The following CDK17 variants were observed in gnomAD, a reference collection of about 807,000 sequenced individuals.
CDK17 encodes cyclin dependent kinase 17, also known as cyclin-dependent kinase 17.
CDK17 carries 24 observed loss-of-function variants against 77.6 expected under a neutral mutation model. The observed-to-expected ratio is 0.31, with a 90% CI of 0.22 to 0.44. The LOEUF (loss-of-function observed/expected upper bound fraction) is 0.44. Among genes scored for constraint, CDK17 ranks in the 20% least tolerant of loss-of-function variants. The probability of loss-of-function intolerance (pLI) is 1.00; values close to 1 mark genes in which losing one functional copy is unlikely to be tolerated. For missense variants in CDK17, 429 were observed against 622.5 expected, an observed-to-expected ratio of 0.69 and a Z score of 3.31; for synonymous variants, 203 against 210.4, an observed-to-expected ratio of 0.96 and a Z score of 0.30.
intron 1 of CDK17, among the ~76,000 whole-genome samples, chr12:96,340,439 T>A (rs1422051583): frequency 6.6e-6 from 1 of 152,208 alleles, no homozygotes; most frequent in Non-Finnish European, 1.5e-5. Flanking sequence ...AAATTGTTCC[T>A]ATTTTTAATC....
intron 5 of CDK17, among the ~76,000 whole-genome samples, chr12:96,308,187 G>A (rs768889852): frequency 2.5e-4 from 37 of 145,400 alleles, no homozygotes; most frequent in Non-Finnish European, 4.9e-4. Flanking sequence ...TTGAGCCCAG[G>A]CATTTGAAAC....
chr12:96,298,070 C>T (rs1592711500), intron 7 of CDK17, among the ~76,000 whole-genome samples: 1 of 152,160 alleles, frequency 6.6e-6, no homozygotes, highest in South Asian at 2.1e-4. Flanking sequence ...GCGGGCGGAT[C>T]GTGAGGTCAG....
chr12:96,398,716 C>A (rs1157438488), intron 1 of CDK17, among the ~76,000 whole-genome samples: 2 of 152,184 alleles, frequency 1.3e-5, no homozygotes, highest in Non-Finnish European at 2.9e-5. Context: ...GACTGAAGGT[C>A]TGGCTGCCAG....
In CDK17 at chr12:96,334,754, T is replaced by C; in HGVS notation, c.83A>G (p.Gln28Arg). 5.6e-6 allele frequency: 9 copies of C among 1,610,160 alleles called. No homozygotes were observed. Among genetic ancestry groups the C allele is most frequent in the Non-Finnish European group, 7.6e-6 (9 of 1,176,578 alleles). The part of the protein sequence containing the change: ...IDESLSELAE[Q>R]MTIEENSSKD... ...GCTGCTGTTTTCTTCAATAGTCATT[T>C]GTTCAGCCAATTCAGACAATGATTC... Residue 28 changes from glutamine (Q) to arginine (R), a missense_variant, in exon 2 of 17, where the codon CAA (glutamine) becomes CGA (arginine). By Grantham distance (43) the Gln-to-Arg change is conservative. Transcript: ENST00000261211.
At chr12:96,385,012 G>GAAAAAAA (rs75720821) in intron 1 of CDK17, among the ~76,000 whole-genome samples, 1 of 75,504 alleles carries the variant, frequency 1.3e-5, no homozygotes. Context: ...TTTCTCAAGG[G>GAAAAAAA]AAAAAAAAAA....
chr12:96,367,298 T>C (rs1953602323), intron 1 of CDK17, among the ~76,000 whole-genome samples: 1 of 129,346 alleles, frequency 7.7e-6, no homozygotes, highest in African/African-American at 3.1e-5. Flanking sequence ...TGAGCCGAGA[T>C]TGTACCACTG....
rs762249552 is a variant in CDK17, at chr12:96,286,066, C to T, written c.1299G>A (p.Gln433=). The change falls in exon 13 of 17, where the codon CAG becomes CAA. Residue 433 remains glutamine (Q), a synonymous_variant. Transcript: ENST00000261211. ...ACCTGGGTGCGTGGTTAATTAGAGGCTGTGGTTTATATTTTGGAAAGTTGT... is the reference window on the plus strand; with the variant it reads ...ACCTGGGTGCGTGGTTAATTAGAGGTTGTGGTTTATATTTTGGAAAGTTGT... ...KNYNFPKYKP[Q]PLINHAPRLD... is the part of the protein sequence containing the mutation. The T allele has an allele frequency of 5.7e-6, 9 of 1,568,926 alleles. No individual in the cohort carries two copies. The highest frequency in any genetic ancestry group is 6.9e-6 in the Non-Finnish European group (8 of 1,152,932).
chr12:96,351,597 T>G (rs1303985973), intron 1 of CDK17, among the ~76,000 whole-genome samples: 5 of 152,324 alleles, frequency 3.3e-5, no homozygotes, highest in African/African-American at 1.2e-4. Flanking sequence ...GAAATAGTTG[T>G]GATGGTTACA....
chr12:96,311,178 C>G lies in CDK17; in HGVS notation c.418-1G>C. 1 of 1,504,208 alleles carries G rather than the reference C, an allele frequency of 6.6e-7. No homozygotes were observed. The highest frequency in any genetic ancestry group is 8.8e-7 in the Non-Finnish European group (1 of 1,136,112). The allele number at this position is 1,504,208 out of a possible 1,614,324, so 93.2% of individuals were successfully genotyped here. ...GCAGTGATAACCGCTTATTTAAATC[C>G]TTAAAAAAAAAAAAAGGTAATCCAA... On this transcript the variant is annotated splice_acceptor_variant, in intron 4 of 16. Transcript: ENST00000261211. LOFTEE classifies it high-confidence loss of function.
chr12:96,385,900 C>A (rs1953965061), intron 1 of CDK17, among the ~76,000 whole-genome samples: 1 of 151,578 alleles, frequency 6.6e-6, no homozygotes, highest in Non-Finnish European at 1.5e-5. Context: ...ATAATTGAAA[C>A]AAAAGACAAT....
chr12:96,382,665 A>G (rs1275196312), intron 1 of CDK17, among the ~76,000 whole-genome samples: 1 of 152,196 alleles, frequency 6.6e-6, no homozygotes, highest in African/African-American at 2.4e-5. Flanking sequence ...ATTCACCATA[A>G]TTAAGTAAGC....
At chr12:96,280,487 A>G in intron 16 of CDK17, 1 of 1,410,418 alleles carries the variant, frequency 7.1e-7, no homozygotes, top group Non-Finnish European at 9.2e-7. Flanking sequence ...TGACTAGGGA[A>G]GCACAAGATG....
chr12:96,381,155 C>T (rs1444220611), intron 1 of CDK17, among the ~76,000 whole-genome samples: 1 of 152,188 alleles, frequency 6.6e-6, no homozygotes, highest in East Asian at 1.9e-4. Context: ...TCAAGATGCT[C>T]TCTAAGCCTT....
chr12:96,311,000 G>A lies in CDK17; in HGVS notation c.543+52C>T, dbSNP rs369526730. ...TTTAAAATGTTTACACCCAGAAGCAGCAAACAAGCAGATCTGATTGATGGT... is the reference window on the plus strand; with the variant it reads ...TTTAAAATGTTTACACCCAGAAGCAACAAACAAGCAGATCTGATTGATGGT... On this transcript the variant is annotated intron_variant, in intron 5 of 16. Coordinates refer to ENST00000261211, the MANE Select transcript of CDK17 (RefSeq NM_002595.5). 4.6e-6 allele frequency: 7 copies of A among 1,533,602 alleles called. No individual in the cohort carries two copies. The African/African-American group carries it at 8.7e-5, about 19-fold the overall frequency. 95.0% of individuals were successfully genotyped at this position (1,533,602 alleles called of 1,614,324 possible).
At chr12:96,289,792 T>C (rs536946568) in intron 10 of CDK17, among the ~76,000 whole-genome samples, 1 of 152,334 alleles carries the variant, frequency 6.6e-6, no homozygotes, top group South Asian at 2.1e-4. Flanking sequence ...TACTGACAAA[T>C]CGACTTAGAG....
chr12:96,303,650 C>G (rs1952537962), intron 5 of CDK17: 1 of 151,806 alleles, frequency 6.6e-6, no homozygotes, highest in Admixed American at 6.6e-5. Flanking sequence ...TCAGATGGCT[C>G]TTAGAGTATA....
At chr12:96,280,712 T>C in intron 16 of CDK17, 96 bp downstream of exon 16, 1 of 1,544,224 alleles carries the variant, frequency 6.5e-7, no homozygotes. Flanking sequence ...CATTGGTTTT[T>C]ACATCAATAA....
At chr12:96,330,828 C>A (rs983774187) in intron 2 of CDK17, among the ~76,000 whole-genome samples, 1 of 152,152 alleles carries the variant, frequency 6.6e-6, no homozygotes, top group Non-Finnish European at 1.5e-5. Flanking sequence ...GTGTACAAGA[C>A]TTTGATTACC....
chr12:96,348,328 C>A (rs560820813), intron 1 of CDK17, among the ~76,000 whole-genome samples: 1 of 151,828 alleles, frequency 6.6e-6, no homozygotes, highest in Non-Finnish European at 1.5e-5. Flanking sequence ...AGTTTGAGAC[C>A]AGCCTAGCCA....
Sources: gnomAD v4.1 joint callset for allele counts (sites outside exome capture counted in the v4.1 genomes callset) on GRCh38, gnomAD v4.1.1 for gene constraint, MANE v1.5 for transcripts, NCBI Gene and HGNC (gene_info 2026-07-23, HGNC 2026-07-21) for gene names.